ANKRD30B: variants seen among roughly 807,000 people sequenced by gnomAD.
The protein encoded by ANKRD30B is ankyrin repeat domain-containing protein 30B.
Under a neutral mutation model 202.2 loss-of-function variants are expected in ANKRD30B, and 144 were observed. That is an observed-to-expected ratio of 0.71 (90% CI 0.62 to 0.82). The LOEUF is 0.82. Ranked by LOEUF, ANKRD30B falls within the 40% of genes least tolerant of loss-of-function variation. The probability of loss-of-function intolerance (pLI) is 0.00; values close to 1 mark genes in which losing one functional copy is unlikely to be tolerated. For synonymous variants in ANKRD30B, 508 were observed against 561.3 expected, an observed-to-expected ratio of 0.91 and a Z score of 1.34; for missense variants, 1,487 against 1,669.1, an observed-to-expected ratio of 0.89 and a Z score of 1.90.
At chr18:14,755,737 C>G (rs1180672514) in intron 4 of ANKRD30B, among the ~76,000 whole-genome samples, 5 of 152,158 alleles carry the variant, frequency 3.3e-5, no homozygotes, top group Admixed American at 2.0e-4. Flanking sequence ...ATGAACTCAT[C>G]ATTTTTTATG....
At chr18:14,795,841 T>C (rs1968840005) in intron 16 of ANKRD30B, among the ~76,000 whole-genome samples, 1 of 151,782 alleles carries the variant, frequency 6.6e-6, no homozygotes, top group Non-Finnish European at 1.5e-5. Flanking sequence ...ATTCTTCCGT[T>C]ACCTAGGACT....
At chr18:14,794,284 T>A (rs1968726493) in intron 16 of ANKRD30B, among the ~76,000 whole-genome samples, 2 of 151,200 alleles carry the variant, frequency 1.3e-5, no homozygotes, top group African/African-American at 4.9e-5. Flanking sequence ...AGAACCAGAG[T>A]TTTCAACCAT....
intron 16 of ANKRD30B, among the ~76,000 whole-genome samples, chr18:14,794,012 T>C (rs1968704274): frequency 6.6e-6 from 1 of 152,164 alleles, no homozygotes; most frequent in Non-Finnish European, 1.5e-5. Flanking sequence ...TTTGTTTAAG[T>C]GTATGTCCTA....
intron 28 of ANKRD30B, among the ~76,000 whole-genome samples, chr18:14,810,917 G>A (rs1358670663): frequency 6.6e-6 from 1 of 151,140 alleles, no homozygotes; most frequent in Non-Finnish European, 1.5e-5. Context: ...AGTCGCAGAC[G>A]AGCCTGGTCA....
intron 16 of ANKRD30B, among the ~76,000 whole-genome samples, 164 bp from the exon 17 acceptor site, chr18:14,796,057 G>A (rs9676141): frequency 0.018 from 2,753 of 152,062 alleles, 94 homozygotes; most frequent in African/African-American, 0.062. Context: ...TTTCTGTCCC[G>A]TTGGCATGTT....
At chr18:14,940,902 A>G in the ANKRD30B span, among the ~76,000 whole-genome samples, 1 of 152,186 alleles carries the variant, frequency 6.6e-6, no homozygotes, top group Non-Finnish European at 1.5e-5. Context: ...CTGACAGCCC[A>G]GCCCTAGTGA....
chr18:14,805,594 T>A (rs1180448090), intron 24 of ANKRD30B, among the ~76,000 whole-genome samples: 1 of 150,738 alleles, frequency 6.6e-6, no homozygotes, highest in African/African-American at 2.5e-5. Flanking sequence ...ATGTCAAATC[T>A]ACATTCAGCT....
At chr18:14,790,362 C>G (rs1172177094) in intron 15 of ANKRD30B, among the ~76,000 whole-genome samples, 1 of 152,122 alleles carries the variant, frequency 6.6e-6, no homozygotes, top group Non-Finnish European at 1.5e-5. Context: ...TCCTCTTTTC[C>G]TAATTGAATA....
At chr18:14,786,990 A>G (rs1213340146) in intron 14 of ANKRD30B, 49 bp from the exon 15 acceptor site, 1 of 1,551,940 alleles carries the variant, frequency 6.4e-7, no homozygotes, top group Non-Finnish European at 8.8e-7. Flanking sequence ...TTTAAAATTT[A>G]TAGTAGAGAA....
the ANKRD30B span, among the ~76,000 whole-genome samples, chr18:14,875,526 A>C: frequency 6.6e-6 from 1 of 152,178 alleles, no homozygotes; most frequent in South Asian, 2.1e-4. Flanking sequence ...AAAGGAAGGG[A>C]GAGAGAAACT....
chr18:14,856,277 C>T (rs545935592), downstream of ANKRD30B, among the ~76,000 whole-genome samples: 20 of 113,252 alleles, frequency 1.8e-4, no homozygotes, highest in Admixed American at 9.6e-4. Context: ...ATGGGGCGGC[C>T]GAGAAATGCC....
intron 7 of ANKRD30B, 123 bp downstream of exon 7, chr18:14,764,213 C>T: frequency 1.0e-6 from 1 of 1,000,354 alleles, no homozygotes. Flanking sequence ...TTAGGCAACA[C>T]TTTTTAATAG....
chr18:14,932,449 C>G, the ANKRD30B span, among the ~76,000 whole-genome samples: 8 of 152,230 alleles, frequency 5.3e-5, no homozygotes, highest in South Asian at 2.1e-4. Context: ...ACATTCTCCT[C>G]CCTCAGCCTC....
rs1332021506 is a variant in ANKRD30B at position 14,748,380 on chromosome 18, A to T, written c.-40A>T. 1 of 1,409,486 alleles carries T rather than the reference A, an allele frequency of 7.1e-7. No homozygotes were observed. The highest frequency in any genetic ancestry group is 9.3e-7 in the Non-Finnish European group (1 of 1,073,460). 87.3% of individuals were successfully genotyped at this position (1,409,486 alleles called of 1,614,324 possible). ...GAGGGGTAGGGGCTGGGGAAGGGCG[A>T]GCGGGAGGCGCGGGCTCTCTCTAGC... On this transcript the variant is annotated 5_prime_UTR_variant, in exon 1 of 44. Coordinates refer to ENST00000690538, the MANE Select transcript of ANKRD30B (RefSeq NM_001367607.2).
At chr18:14,895,172 T>A in the ANKRD30B span, among the ~76,000 whole-genome samples, 1 of 148,508 alleles carries the variant, frequency 6.7e-6, no homozygotes, top group Non-Finnish European at 1.5e-5. Flanking sequence ...TGAAAAACCA[T>A]TAGGTACTAT....
chr18:14,918,083 G>C, the ANKRD30B span, among the ~76,000 whole-genome samples: 1 of 152,122 alleles, frequency 6.6e-6, no homozygotes, highest in African/African-American at 2.4e-5. Flanking sequence ...GGATGAGAAG[G>C]GTAGGGGAAG....
At chr18:14,758,378 A>G (rs554462872) in intron 5 of ANKRD30B, among the ~76,000 whole-genome samples, 1 of 152,182 alleles carries the variant, frequency 6.6e-6, no homozygotes, top group Non-Finnish European at 1.5e-5. Context: ...TTGGGGGGAC[A>G]CGGCCATTCT....
intron 8 of ANKRD30B, among the ~76,000 whole-genome samples, chr18:14,771,671 A>G (rs1967011827): frequency 6.6e-6 from 1 of 152,146 alleles, no homozygotes; most frequent in Non-Finnish European, 1.5e-5. Flanking sequence ...AAAGAATGTC[A>G]TTTTCCAGTG....
chr18:14,898,296 G>C, the ANKRD30B span, among the ~76,000 whole-genome samples: 1 of 152,098 alleles, frequency 6.6e-6, no homozygotes, highest in African/African-American at 2.4e-5. Flanking sequence ...ATGGCAGCCG[G>C]GGGGAGGTTC....
Sources: allele counts gnomAD v4.1 joint callset (sites outside exome capture counted in the v4.1 genomes callset), GRCh38; gene constraint gnomAD v4.1.1; transcripts MANE v1.5; gene names NCBI Gene and HGNC (gene_info 2026-07-23, HGNC 2026-07-21).